The following TF variants were observed in gnomAD, a reference collection of about 807,000 sequenced individuals.
TF encodes the protein serotransferrin.
In TF, 55 loss-of-function variants were observed where a neutral mutation model predicts 82.4. The observed-to-expected ratio is 0.67, with a 90% confidence interval of 0.54 to 0.84. The LOEUF is 0.84. Ranked by LOEUF, TF falls within the 40% of genes least tolerant of loss-of-function variation. The pLI is 0.00. For missense variants in TF, 737 were observed against 868.4 expected, an observed-to-expected ratio of 0.85 and a Z score of 1.90; for synonymous variants, 332 against 332.6, an observed-to-expected ratio of 1.00 and a Z score of 0.02.
At position 133,784,807 on chromosome 3, in the gene TF, C is replaced by A. The variant is rs1934615583; in HGVS notation, c.*6187C>A. 1 of 152,224 alleles carries A rather than the reference C, an allele frequency of 6.6e-6. No homozygotes were observed. Among genetic ancestry groups the A allele is most frequent in the Non-Finnish European group, 1.5e-5 (1 of 68,054 alleles). 9.4% of individuals were successfully genotyped at this position (152,224 alleles called of 1,614,324 possible). Reference sequence around the variant, plus strand: ...GGGTTAGAGGACATGGGGCAGAAGACCTGAGAAGGAAGAGAGGACAGTTCT... The same window carrying A: ...GGGTTAGAGGACATGGGGCAGAAGAACTGAGAAGGAAGAGAGGACAGTTCT... On this transcript the variant is annotated 3_prime_UTR_variant, in exon 17 of 17. Transcript: ENST00000402696.
chr3:133,711,832 G>T, the TF span, among the ~76,000 whole-genome samples: 1 of 151,622 alleles, frequency 6.6e-6, no homozygotes, highest in African/African-American at 2.4e-5. Context: ...ACAGTAAAAG[G>T]GTCTGGACCC....
rs1314682926 is a variant in TF at position 133,796,042 on chromosome 3, T to C, written c.*17422T>C. On this transcript the variant is annotated 3_prime_UTR_variant, in exon 17 of 17. Transcript: ENST00000402696. Reference sequence around the variant, plus strand: ...CAGACCACAGGCCAGGTTTTGTTTTTCTCCTACAAATCTCTATAACAAACA... The same window carrying C: ...CAGACCACAGGCCAGGTTTTGTTTTCCTCCTACAAATCTCTATAACAAACA... 6.6e-6 allele frequency: 1 copy of C among 152,512 alleles called. No individual in the cohort carries two copies. The highest frequency in any genetic ancestry group is 1.5e-5 in the Non-Finnish European group (1 of 68,058). The allele number at this position is 152,512 out of a possible 1,614,324, so 9.4% of individuals were successfully genotyped here.
intron 14 of TF, among the ~76,000 whole-genome samples, chr3:133,772,009 A>G (rs992523465): frequency 6.6e-6 from 1 of 152,100 alleles, no homozygotes; most frequent in Non-Finnish European, 1.5e-5. Context: ...CCGGCTCAGC[A>G]CCAGCCCCTC....
chr3:133,705,786 A>G, the TF span, among the ~76,000 whole-genome samples: 1 of 152,190 alleles, frequency 6.6e-6, no homozygotes, highest in Non-Finnish European at 1.5e-5. Context: ...GTGAGTTAGA[A>G]TCAGTAATAC....
At chr3:133,724,872 A>G in the TF span, among the ~76,000 whole-genome samples, 1 of 152,164 alleles carries the variant, frequency 6.6e-6, no homozygotes, top group Non-Finnish European at 1.5e-5. Context: ...CTTTCTACAT[A>G]TGGCTAGCCA....
the TF span, among the ~76,000 whole-genome samples, chr3:133,709,891 A>T: frequency 6.6e-6 from 1 of 152,228 alleles, no homozygotes; most frequent in East Asian, 1.9e-4. Context: ...GGCAGATCTC[A>T]GGGAAATAGC....
At chr3:133,731,300 G>C in the TF span, among the ~76,000 whole-genome samples, 55 of 152,322 alleles carry the variant, frequency 3.6e-4, no homozygotes, top group Middle Eastern at 3.4e-3. Flanking sequence ...GCAATGGGAA[G>C]TACAATCCTT....
chr3:133,763,510 T>A (rs1450536159), intron 9 of TF, among the ~76,000 whole-genome samples: 1 of 152,254 alleles, frequency 6.6e-6, no homozygotes, highest in Non-Finnish European at 1.5e-5. Context: ...CTATTATAAA[T>A]CACACCTGTT....
rs906132722 is a variant in TF at position 133,778,523 on chromosome 3, C to T, written c.2063-63C>T. On this transcript the variant is annotated intron_variant, in intron 16 of 16. Coordinates refer to ENST00000402696, the MANE Select transcript of TF (RefSeq NM_001063.4). Reference sequence around the variant, plus strand: ...ACTATGCTGAAATTGTTCAATCACTCGACAGTTCAGAAATAAATATAGGAA... The same window carrying T: ...ACTATGCTGAAATTGTTCAATCACTTGACAGTTCAGAAATAAATATAGGAA... 15 of 1,566,344 alleles carry T rather than the reference C, an allele frequency of 9.6e-6. 1 individual carries two copies. Among genetic ancestry groups the T allele is most frequent in the South Asian group, 3.3e-5 (3 of 89,726 alleles).
chr3:133,775,379 A>T (rs1934360203), intron 14 of TF, 54 bp from the exon 15 acceptor site: 1 of 1,594,760 alleles, frequency 6.3e-7, no homozygotes, highest in Admixed American at 1.7e-5. Flanking sequence ...CCATCTCCCC[A>T]GCGGGGCACC....
At chr3:133,718,468 T>C in the TF span, among the ~76,000 whole-genome samples, 1 of 152,104 alleles carries the variant, frequency 6.6e-6, no homozygotes, top group Non-Finnish European at 1.5e-5. Context: ...TTCTGTGTTT[T>C]CTCTGGGAAG....
rs1328360181 is a variant in TF at position 133,775,088 on chromosome 3, G to A, written c.1688-345G>A. The A allele has an allele frequency of 4.3e-5, 16 of 370,682 alleles. 1 individual carries two copies. Among genetic ancestry groups the A allele is most frequent in the South Asian group, 9.5e-5 (4 of 41,984 alleles). 23.0% of individuals were successfully genotyped at this position (370,682 alleles called of 1,614,324 possible). ...GAAATTGATCAACCTGGCTTAGAGC[G>A]TCACATTCTTCCTCTGTTGGAGCAA... On this transcript the variant is annotated intron_variant, in intron 14 of 16. Coordinates refer to ENST00000402696, the MANE Select transcript of TF (RefSeq NM_001063.4).
Position 133,764,293 on chromosome 3 carries a change from C to T in TF, c.1297+18C>T. ...CTACAATAGTAAGTGGTGGGGAGCA[C>T]CTCTCTGTGTTTTCTTCCCTCAGGG... On this transcript the variant is annotated intron_variant, in intron 10 of 16. Transcript: ENST00000402696. 1 of 1,600,016 alleles carries T rather than the reference C, an allele frequency of 6.2e-7. No individual in the cohort carries two copies. Among genetic ancestry groups the T allele is most frequent in the Non-Finnish European group, 8.6e-7 (1 of 1,167,366 alleles).
the TF span, among the ~76,000 whole-genome samples, chr3:133,714,795 G>A: frequency 4.6e-5 from 7 of 152,080 alleles, no homozygotes; most frequent in Admixed American, 1.3e-4. Context: ...CAGTTTTCCT[G>A]CCTCAGCCTC....
At chr3:133,729,597 C>T in the TF span, among the ~76,000 whole-genome samples, 4 of 152,188 alleles carry the variant, frequency 2.6e-5, no homozygotes, top group African/African-American at 7.2e-5. Flanking sequence ...AACTCCCTGA[C>T]CCCTTGCACT....
Position 133,766,347 on chromosome 3 carries a change from A to C in TF, c.1400A>C (p.Lys467Thr). The C allele has an allele frequency of 6.2e-7, 1 of 1,614,220 alleles. No homozygotes were observed. Among genetic ancestry groups the C allele is most frequent in the Non-Finnish European group, 8.5e-7 (1 of 1,180,028 alleles). Residue 467 changes from lysine (K) to threonine (T), a missense_variant, in exon 12 of 17, where the codon AAG becomes ACG. Transcript: ENST00000402696. Reference sequence around the variant, plus strand: ...ACCTGGGACAATCTGAAAGGCAAGAAGTCCTGCCATACGGCAGTTGGCAGA... The same window carrying C: ...ACCTGGGACAATCTGAAAGGCAAGACGTCCTGCCATACGGCAGTTGGCAGA... Reference protein sequence around the residue: ...DLTWDNLKGKKSCHTAVGRTA... With the variant: ...DLTWDNLKGKTSCHTAVGRTA...
the TF span, chr3:133,688,469 C>T: frequency 6.6e-6 from 1 of 152,150 alleles, no homozygotes; most frequent in Non-Finnish European, 1.5e-5. Flanking sequence ...GGAACCAGAC[C>T]ATGCTTTAGA....
the TF span, among the ~76,000 whole-genome samples, chr3:133,698,936 G>A: frequency 1.3e-5 from 2 of 152,170 alleles, no homozygotes; most frequent in African/African-American, 4.8e-5. Flanking sequence ...CCTTTTCCCA[G>A]CAGGCTCTGC....
At position 133,759,203 on chromosome 3, in the gene TF, G is replaced by A. The variant is rs367643653; in HGVS notation, c.1077G>A (p.Lys359=). 2 of 1,614,116 alleles carry A rather than the reference G, an allele frequency of 1.2e-6. No homozygotes were observed. The highest frequency in any genetic ancestry group is 1.7e-6 in the Non-Finnish European group (2 of 1,180,010). ...CAGAAGCCCCAACAGATGAATGCAA[G>A]CCTGTGAAGTGGTGTGCGCTGAGCC... ...TCPEAPTDEC[K]PVKWCALSHH... The change falls in exon 9 of 17, where the codon AAG becomes AAA. Residue 359 remains lysine (K), a synonymous_variant. Coordinates refer to ENST00000402696, the MANE Select transcript of TF (RefSeq NM_001063.4).
Sources: gnomAD v4.1 joint callset for allele counts (sites outside exome capture counted in the v4.1 genomes callset) on GRCh38, gnomAD v4.1.1 for gene constraint, MANE v1.5 for transcripts, NCBI Gene and HGNC (gene_info 2026-07-23, HGNC 2026-07-21) for gene names.